Variants in SLC16A14 observed in about 807,000 individuals in gnomAD.
SLC16A14 encodes solute carrier family 16 member 14.
Under a neutral mutation model 35.8 loss-of-function variants are expected in SLC16A14, and 14 were observed. That is an observed-to-expected ratio of 0.39 (90% CI 0.26 to 0.61). The LOEUF (loss-of-function observed/expected upper bound fraction) is 0.61, where lower values mean the gene tolerates loss of function less well. Among genes scored for constraint, SLC16A14 ranks in the 20% least tolerant of loss-of-function variants. The probability of loss-of-function intolerance (pLI) is 0.51; values close to 1 mark genes in which losing one functional copy is unlikely to be tolerated. For missense variants in SLC16A14, 533 were observed against 655.0 expected (o/e 0.81, Z 2.03); for synonymous variants, 248 against 258.9 (o/e 0.96, Z 0.40).
chr2:230,046,293 C>CACAT lies in SLC16A14; in HGVS notation c.829_832dup (p.Cys278TyrfsTer69). The stretch of plus-strand genomic sequence containing the variant: ...GACAGTCTTCAGAATCCGGAGGGCA[C>CACAT]ACATGTTCTTCCTGTGCCCGGCCTG... On this transcript the variant is annotated frameshift_variant, in exon 4 of 5. Transcript: ENST00000295190. LOFTEE classifies it high-confidence loss of function. This position sits in a 1 kb window ranked among gnomAD's most constrained non-coding sequence, Gnocchi z 5.0. 6.2e-7 allele frequency: 1 copy of CACAT among 1,614,212 alleles called. No homozygotes were observed. The highest frequency in any genetic ancestry group is 1.7e-5 in the Admixed American group (1 of 60,026).
At chr2:230,039,346 A>G (rs1560469363) in intron 4 of SLC16A14, among the ~76,000 whole-genome samples, 1 of 152,212 alleles carries the variant, frequency 6.6e-6, no homozygotes, top group African/African-American at 2.4e-5. Context: ...CTGACTCTTT[A>G]GAAGTGACTC....
intron 1 of SLC16A14, among the ~76,000 whole-genome samples, chr2:230,066,068 G>A (rs2077792816): frequency 6.6e-6 from 1 of 152,178 alleles, no homozygotes; most frequent in Non-Finnish European, 1.5e-5. Context: ...ACTTTGGGAG[G>A]CTGAGGGGGA....
intron 1 of SLC16A14, among the ~76,000 whole-genome samples, chr2:230,061,458 C>CA (rs1273724474): frequency 6.6e-6 from 1 of 152,156 alleles, no homozygotes; most frequent in Admixed American, 6.5e-5. Flanking sequence ...GAATTGTTGG[C>CA]AAAACAATAC....
At position 230,046,843 on chromosome 2, in the gene SLC16A14, A is replaced by T; in HGVS notation, c.404-121T>A. The stretch of plus-strand genomic sequence containing the variant: ...CATCTATTTATGCTTTTTATTTCTA[A>T]CAAAGCAATAACACTGATTATTTAA... On this transcript the variant is annotated intron_variant, in intron 3 of 4. Transcript: ENST00000295190. This position sits in a 1 kb window ranked among gnomAD's most constrained non-coding sequence, Gnocchi z 5.0. The T allele has an allele frequency of 2.5e-6, 3 of 1,178,982 alleles. No individual in the cohort carries two copies. Among genetic ancestry groups the T allele is most frequent in the Non-Finnish European group, 3.5e-6 (3 of 866,866 alleles). 73.0% of individuals were successfully genotyped at this position (1,178,982 alleles called of 1,614,324 possible).
In SLC16A14 at chr2:230,046,279, G is replaced by A; in HGVS notation, c.847C>T (p.Leu283=). The change falls in exon 4 of 5, where the codon CTG becomes TTG. Residue 283 remains leucine, a synonymous_variant. Coordinates refer to ENST00000295190, the MANE Select transcript of SLC16A14 (RefSeq NM_152527.5). This position sits in a 1 kb window ranked among gnomAD's most constrained non-coding sequence, Gnocchi z 5.0. Reference sequence around the variant, plus strand: ...ATGGTGAGCCAGCTGACAGTCTTCAGAATCCGGAGGGCACACATGTTCTTC... The same window carrying A: ...ATGGTGAGCCAGCTGACAGTCTTCAAAATCCGGAGGGCACACATGTTCTTC... ...HRKNMCALRI[L]KTVSWLTMRV... 1 of 1,614,230 alleles carries A rather than the reference G, an allele frequency of 6.2e-7. No homozygotes were observed.
In SLC16A14 at chr2:230,065,460, G is replaced by T. The variant is rs189638606; in HGVS notation, c.-15+3095C>A. 3.2e-4 allele frequency among the ~76,000 whole-genome samples: 48 copies of T among 152,224 alleles called. No homozygotes were observed. The East Asian group carries it at 7.9e-3, about 25-fold the overall frequency. On this transcript the variant is annotated intron_variant, in intron 1 of 4. Coordinates refer to ENST00000295190, the MANE Select transcript of SLC16A14 (RefSeq NM_152527.5). ...TGTAGAGATGGAGTTTCACCATGTT[G>T]GTCAGGCGGGTCTGGAACTCCTAAC...
At chr2:230,064,532 G>T (rs1403444622) in intron 1 of SLC16A14, among the ~76,000 whole-genome samples, 1 of 152,168 alleles carries the variant, frequency 6.6e-6, no homozygotes, top group Non-Finnish European at 1.5e-5. Flanking sequence ...GCAGAATCCT[G>T]AGGAGCCAGA....
chr2:230,050,204 T>C (rs1254252603), intron 2 of SLC16A14, among the ~76,000 whole-genome samples: 1 of 152,210 alleles, frequency 6.6e-6, no homozygotes, highest in Non-Finnish European at 1.5e-5. Context: ...TGGATACATT[T>C]TGTCGATCCC....
intron 1 of SLC16A14, chr2:230,066,818 G>T: frequency 7.8e-6 from 2 of 257,794 alleles, no homozygotes; most frequent in South Asian, 3.3e-5. Context: ...GTAGAGAAGG[G>T]GTTTCGCCAT....
rs746409527 is a variant in SLC16A14, at chr2:230,046,308, T to C, written c.818A>G (p.His273Arg). The change falls in exon 4 of 5, where the codon CAC becomes CGC. Residue 273 changes from histidine (H) to arginine (R), a missense_variant. His to Arg is a conservative substitution (Grantham distance 29). Coordinates refer to ENST00000295190, the MANE Select transcript of SLC16A14 (RefSeq NM_152527.5). This position sits in a 1 kb window ranked among gnomAD's most constrained non-coding sequence, Gnocchi z 5.0. Reference protein sequence around the residue: ...QAQECPDQAGHRKNMCALRIL... With the variant: ...QAQECPDQAGRRKNMCALRIL... ...CCGGAGGGCACACATGTTCTTCCTG[T>C]GCCCGGCCTGATCGGGGCACTCCTG... The C allele has an allele frequency of 1.4e-5, 22 of 1,614,080 alleles. No homozygotes were observed. In the East Asian group the frequency reaches 3.3e-4, roughly 25 times the overall value.
chr2:230,052,970 T>G (rs1201496653), intron 2 of SLC16A14, among the ~76,000 whole-genome samples: 2 of 152,010 alleles, frequency 1.3e-5, no homozygotes, highest in East Asian at 3.9e-4. Context: ...AGACAGAGTT[T>G]CACGCTTGTT....
In SLC16A14 at chr2:230,035,212, G is replaced by A. The variant is rs2077511574; in HGVS notation, c.*2168C>T. The A allele has an allele frequency of 6.6e-6, 1 of 152,174 alleles. No homozygotes were observed. Among genetic ancestry groups the A allele is most frequent in the Non-Finnish European group, 1.5e-5 (1 of 67,998 alleles). 9.4% of individuals were successfully genotyped at this position (152,174 alleles called of 1,614,324 possible). A position where few individuals can be genotyped will look rare whatever the true frequency, so the allele number is the denominator to read the frequency against. On this transcript the variant is annotated 3_prime_UTR_variant, in exon 5 of 5. Coordinates refer to ENST00000295190, the MANE Select transcript of SLC16A14 (RefSeq NM_152527.5). ...CAGGTCTTTATTTTTTTTGACAATG[G>A]GAACTTCCACTCATTCGGTAGAAGT...
At chr2:230,052,842 T>C (rs2077672862) in intron 2 of SLC16A14, among the ~76,000 whole-genome samples, 1 of 139,224 alleles carries the variant, frequency 7.2e-6, no homozygotes, top group Non-Finnish European at 1.5e-5. Flanking sequence ...TCCATGGTTA[T>C]AAAATATATG....
At chr2:230,045,710 T>C (rs1248801908) in intron 4 of SLC16A14, 35 bp downstream of exon 4, 62 of 1,612,772 alleles carry the variant, frequency 3.8e-5, no homozygotes, top group Non-Finnish European at 5.1e-5. Flanking sequence ...CATATGTACA[T>C]GCACTCTGAG....
At position 230,046,737 on chromosome 2, in the gene SLC16A14, G is replaced by C. The variant is rs758695663; in HGVS notation, c.404-15C>G. 3 of 1,575,844 alleles carry C rather than the reference G, an allele frequency of 1.9e-6. No homozygotes were observed. The highest frequency in any genetic ancestry group is 1.7e-6 in the Non-Finnish European group (2 of 1,166,710). On this transcript the variant is annotated splice_polypyrimidine_tract_variant and intron_variant, in intron 3 of 4. Coordinates refer to ENST00000295190, the MANE Select transcript of SLC16A14 (RefSeq NM_152527.5). The surrounding 1 kb of genome is among the most constrained non-coding windows in gnomAD (Gnocchi z 5.0). The stretch of plus-strand genomic sequence containing the variant: ...GCTGCCCAGGCCTGTACAGGCCGAC[G>C]GGGGGAAGAAAAGACACAGTGCAAC...
intron 1 of SLC16A14, among the ~76,000 whole-genome samples, chr2:230,065,400 G>A (rs1338968372): frequency 1.3e-5 from 2 of 152,296 alleles, no homozygotes; most frequent in East Asian, 3.9e-4. Context: ...GGGACTTCAG[G>A]TGTGCACCAC....
In SLC16A14 at chr2:230,046,221, G is replaced by A. The variant is rs1404835517; in HGVS notation, c.905C>T (p.Ser302Leu). Residue 302 changes from serine (S) to leucine (L), a missense_variant, in exon 4 of 5, where the codon TCG becomes TTG. Physicochemically the swap from Ser to Leu is moderately radical, Grantham distance 145 (BLOSUM62 -2). Transcript: ENST00000295190. The surrounding 1 kb of genome is among the most constrained non-coding windows in gnomAD (Gnocchi z 5.0). ...RVRKGFEDWYSGYFGTASLFT... is the reference protein window; with the variant it reads ...RVRKGFEDWYLGYFGTASLFT... ...TAGAGAGGCTGTCCCAAAGTAGCCC[G>A]AATACCAGTCCTCGAAGCCCTTCCT... 3 of 1,614,176 alleles carry A rather than the reference G, an allele frequency of 1.9e-6. No homozygotes were observed. Among genetic ancestry groups the A allele is most frequent in the Admixed American group, 1.7e-5 (1 of 60,022 alleles).
chr2:230,039,188 A>C (rs1415042581), intron 4 of SLC16A14, among the ~76,000 whole-genome samples: 1 of 151,904 alleles, frequency 6.6e-6, no homozygotes, highest in Non-Finnish European at 1.5e-5. Context: ...GACATTCATA[A>C]AGAAAAACAA....
chr2:230,049,619 T>G, intron 3 of SLC16A14, 142 bp downstream of exon 3: 4 of 820,214 alleles, frequency 4.9e-6, no homozygotes, highest in South Asian at 1.9e-5. Context: ...TTTCCAGGAG[T>G]GTAGGGAGGG....
Sources: gnomAD v4.1 joint callset for allele counts (sites outside exome capture counted in the v4.1 genomes callset) on GRCh38, gnomAD v4.1.1 for gene constraint, Gnocchi (gnomAD v3.1) non-coding constraint, MANE v1.5 for transcripts, NCBI Gene and HGNC (gene_info 2026-07-23, HGNC 2026-07-21) for gene names.